The following IGF1R variants were observed in gnomAD, a reference collection of about 807,000 sequenced individuals.
IGF1R encodes insulin like growth factor 1 receptor.
Under a neutral mutation model 144.6 loss-of-function variants are expected in IGF1R, and 44 were observed. The observed-to-expected ratio is 0.30, with a 90% CI of 0.24 to 0.39. The LOEUF (loss-of-function observed/expected upper bound fraction) is 0.39. Among genes scored for constraint, IGF1R ranks in the 10% least tolerant of loss-of-function variants. The probability of loss-of-function intolerance (pLI) is 1.00; values close to 1 mark genes in which losing one functional copy is unlikely to be tolerated. For synonymous variants in IGF1R, 795 were observed against 722.8 expected, an observed-to-expected ratio of 1.10 and a Z score of -1.60; for missense variants, 1,355 against 1,833.7, an observed-to-expected ratio of 0.74 and a Z score of 4.77.
Position 98,707,299 on chromosome 15 carries a change from G to A in IGF1R, c.95-263G>A, listed in dbSNP as rs956943050. Among the ~76,000 whole-genome samples, 4 of 152,110 alleles carry A rather than the reference G, an allele frequency of 2.6e-5. No individual in the cohort carries two copies. Among genetic ancestry groups the A allele is most frequent in the Non-Finnish European group, 5.9e-5 (4 of 68,032 alleles). ...CTGGGCTGTAAGCTTTAGTTTGCAC[G>A]GTTAACGGGGATGGCCTCTCCCATG... On this transcript the variant is annotated intron_variant, in intron 1 of 20. Transcript: ENST00000650285. This position sits in a 1 kb window ranked among gnomAD's most constrained non-coding sequence, Gnocchi z 6.7.
chr15:98,937,915 T>A (rs1012508049), intron 17 of IGF1R, among the ~76,000 whole-genome samples: 1 of 152,254 alleles, frequency 6.6e-6, no homozygotes, highest in African/African-American at 2.4e-5. Context: ...TGATTTGGAC[T>A]TACCCCCAGT....
Position 98,915,979 on chromosome 15 carries a change from T to C in IGF1R, c.1844T>C (p.Leu615Ser), listed in dbSNP as rs45437300. 3.7e-6 allele frequency: 6 copies of C among 1,614,156 alleles called. 1 individual carries two copies. In the East Asian group the frequency reaches 1.1e-4, roughly 30 times the overall value. Residue 615 changes from leucine (L) to serine (S), a missense_variant, in exon 9 of 21, where the codon TTG (leucine) becomes TCG (serine). Coordinates refer to ENST00000650285, the MANE Select transcript of IGF1R (RefSeq NM_000875.5). ...CCCTCTCCAGTTCCTTCCATTCCCT[T>C]GGACGTTCTTTCAGCATCGAACTCC... is the stretch of plus-strand genomic sequence containing the variant. ...RTNASVPSIP[L>S]DVLSASNSSS...
At chr15:98,799,912 A>AC (rs2056326122) in intron 2 of IGF1R, among the ~76,000 whole-genome samples, 1 of 152,246 alleles carries the variant, frequency 6.6e-6, no homozygotes, top group Non-Finnish European at 1.5e-5. Context: ...GTATCAATTC[A>AC]CCGGAAGACT....
At chr15:98,727,107 ATTTC>A (rs1027259304) in intron 2 of IGF1R, among the ~76,000 whole-genome samples, 4 of 152,104 alleles carry the variant, frequency 2.6e-5, no homozygotes, top group African/African-American at 9.7e-5. Flanking sequence ...AACTAAGGAG[ATTTC>A]TTTCTTTTTA....
chr15:98,731,443 C>T (rs1596244841), intron 2 of IGF1R, among the ~76,000 whole-genome samples: 1 of 152,308 alleles, frequency 6.6e-6, no homozygotes, highest in Middle Eastern at 3.4e-3. Flanking sequence ...TTGGTTCATT[C>T]TCCTCCTTGT....
At position 98,709,045 on chromosome 15, in the gene IGF1R, A is replaced by G. The variant is rs190277069; in HGVS notation, c.640+938A>G. ...AGCCTTCACCTTATTGCATTCAGCA[A>G]TAGTTATGTATATTGGCTAGGAAGC... On this transcript the variant is annotated intron_variant, in intron 2 of 20. Coordinates refer to ENST00000650285, the MANE Select transcript of IGF1R (RefSeq NM_000875.5). Among the ~76,000 whole-genome samples the G allele has an allele frequency of 3.4e-3, 505 of 150,476 alleles. 2 individuals are homozygous for G. The highest frequency in any genetic ancestry group is 0.012 in the African/African-American group (458 of 39,790).
intron 20 of IGF1R, among the ~76,000 whole-genome samples, chr15:98,949,413 C>CT (rs1443928018): frequency 6.9e-6 from 1 of 144,964 alleles, no homozygotes; most frequent in Non-Finnish European, 1.5e-5. Flanking sequence ...GAGTCTCGCT[C>CT]TGTCGCCCAG....
chr15:98,654,684 C>T (rs538439443), intron 1 of IGF1R, among the ~76,000 whole-genome samples: 43 of 152,162 alleles, frequency 2.8e-4, no homozygotes, highest in African/African-American at 9.6e-4. Context: ...CGCCTGTGGG[C>T]GAACTTGATT....
intron 2 of IGF1R, among the ~76,000 whole-genome samples, chr15:98,857,648 G>A (rs1459673986): frequency 6.6e-6 from 1 of 152,206 alleles, no homozygotes; most frequent in Non-Finnish European, 1.5e-5. Context: ...TACAGGAGCC[G>A]CTAGCCACAT....
chr15:98,746,955 T>G (rs1364984520), intron 2 of IGF1R, among the ~76,000 whole-genome samples: 2 of 152,232 alleles, frequency 1.3e-5, no homozygotes, highest in African/African-American at 4.8e-5. Flanking sequence ...TCATATCTCT[T>G]GAGTTGAACC....
intron 8 of IGF1R, among the ~76,000 whole-genome samples, chr15:98,914,039 C>T (rs538290167): frequency 4.7e-4 from 71 of 152,288 alleles, no homozygotes; most frequent in African/African-American, 1.6e-3. Context: ...AAGATCAAGG[C>T]GCTGGCAGAT....
intron 2 of IGF1R, among the ~76,000 whole-genome samples, chr15:98,718,910 A>T (rs889005756): frequency 2.0e-5 from 3 of 151,744 alleles, no homozygotes; most frequent in South Asian, 4.2e-4. Flanking sequence ...AACTAGTCAG[A>T]TCCTTGGGTC....
rs566685091 is a variant in IGF1R, at chr15:98,696,997, G to C, written c.95-10565G>C. Reference sequence around the variant, plus strand: ...CGGATGCTTGGATGAGCGTGCAGTGGAAAAAGTACTCCTTTGGGGGAAGAG... The same window carrying C: ...CGGATGCTTGGATGAGCGTGCAGTGCAAAAAGTACTCCTTTGGGGGAAGAG... On this transcript the variant is annotated intron_variant, in intron 1 of 20. Transcript: ENST00000650285. Among the ~76,000 whole-genome samples, 3 of 152,290 alleles carry C rather than the reference G, an allele frequency of 2.0e-5. No homozygotes were observed. In the South Asian group the frequency reaches 6.2e-4, roughly 32 times the overall value.
At position 98,926,907 on chromosome 15, in the gene IGF1R, T is replaced by C. The variant is rs185975955; in HGVS notation, c.2782+2223T>C. ...GAAGCTTCATAATATTCCTGCAGCC[T>C]TGTCCAGGGTAGTGGCTTGCTTGCT... On this transcript the variant is annotated intron_variant, in intron 13 of 20. Transcript: ENST00000650285. 1.2e-4 allele frequency among the ~76,000 whole-genome samples: 18 copies of C among 152,296 alleles called. No individual in the cohort carries two copies. The East Asian group carries it at 2.7e-3, about 23-fold the overall frequency.
chr15:98,761,144 GCT>G (rs2055285505), intron 2 of IGF1R, among the ~76,000 whole-genome samples: 1 of 152,206 alleles, frequency 6.6e-6, no homozygotes, highest in African/African-American at 2.4e-5. Flanking sequence ...GGCAACCCTG[GCT>G]CTGAGTTCCA....
intron 20 of IGF1R, among the ~76,000 whole-genome samples, chr15:98,951,181 T>C (rs938580186): frequency 2.6e-5 from 4 of 152,194 alleles, no homozygotes; most frequent in African/African-American, 9.6e-5. Context: ...AGCTAGCACA[T>C]GTGGGGGCTC....
At chr15:98,768,044 A>T (rs553646289) in intron 2 of IGF1R, among the ~76,000 whole-genome samples, 120 of 152,282 alleles carry the variant, frequency 7.9e-4, no homozygotes, top group African/African-American at 2.9e-3. Context: ...ATTCAGATCC[A>T]TAGGAAGACA....
At chr15:98,851,430 A>T (rs1179412079) in intron 2 of IGF1R, among the ~76,000 whole-genome samples, 2 of 152,222 alleles carry the variant, frequency 1.3e-5, no homozygotes, top group African/African-American at 4.8e-5. Flanking sequence ...AGAGCGAAGC[A>T]CCAAAGAGCA....
chr15:98,836,473 C>T (rs2057104121), intron 2 of IGF1R, among the ~76,000 whole-genome samples: 1 of 149,390 alleles, frequency 6.7e-6, no homozygotes, highest in Admixed American at 6.7e-5. Context: ...GAACTATGAT[C>T]ATGCCACTGC....
Sources: gnomAD v4.1 joint callset for allele counts (sites outside exome capture counted in the v4.1 genomes callset) on GRCh38, gnomAD v4.1.1 for gene constraint, Gnocchi (gnomAD v3.1) non-coding constraint, MANE v1.5 for transcripts, NCBI Gene and HGNC (gene_info 2026-07-23, HGNC 2026-07-21) for gene names.